The following ARB2A variants were observed in gnomAD, a reference collection of about 807,000 sequenced individuals.
ARB2A encodes cotranscriptional regulator ARB2A.
At chr5:93,798,623 TGTCAAG>T in the ARB2A span, among the ~76,000 whole-genome samples, 1 of 152,080 alleles carries the variant, frequency 6.6e-6, no homozygotes, top group Non-Finnish European at 1.5e-5. Flanking sequence ...AATGAAAAAT[TGTCAAG>T]AATGTTAGAA....
the ARB2A span, among the ~76,000 whole-genome samples, chr5:93,991,278 C>T: frequency 7.2e-5 from 11 of 152,068 alleles, no homozygotes; most frequent in Admixed American, 3.3e-4. Context: ...CTAGAATGAT[C>T]AGGCTGCTTA....
At chr5:93,719,724 CTTA>C in the ARB2A span, among the ~76,000 whole-genome samples, 3 of 152,132 alleles carry the variant, frequency 2.0e-5, no homozygotes, top group Non-Finnish European at 2.9e-5. Context: ...GCAGAAACTG[CTTA>C]TTAAGTCAAA....
At chr5:93,683,395 T>G in the ARB2A span, 2 of 1,602,972 alleles carry the variant, frequency 1.2e-6, no homozygotes, top group Admixed American at 1.7e-5. Context: ...TAATATGCAC[T>G]GGCCCTGAAC....
At chr5:93,745,670 C>CA in the ARB2A span, among the ~76,000 whole-genome samples, 23 of 151,528 alleles carry the variant, frequency 1.5e-4, no homozygotes, top group African/African-American at 2.7e-4. Context: ...GCAGAGTCTC[C>CA]AAAAAAAAAT....
the ARB2A span, among the ~76,000 whole-genome samples, chr5:93,621,328 G>A: frequency 1.3e-5 from 2 of 151,100 alleles, no homozygotes; most frequent in Non-Finnish European, 2.9e-5. Flanking sequence ...CGGGCCAGCC[G>A]ACTCCCAGGG....
the ARB2A span, among the ~76,000 whole-genome samples, chr5:93,901,296 A>G: frequency 6.6e-6 from 1 of 152,198 alleles, no homozygotes; most frequent in African/African-American, 2.4e-5. Flanking sequence ...GAATCTACAA[A>G]GTAGAGGAGG....
the ARB2A span, among the ~76,000 whole-genome samples, chr5:93,902,115 TA>T: frequency 2.6e-5 from 4 of 152,122 alleles, no homozygotes; most frequent in Non-Finnish European, 5.9e-5. Context: ...TATCATACTA[TA>T]ATAATATGTA....
the ARB2A span, chr5:93,620,590 A>G: frequency 0.019 from 3,183 of 164,796 alleles, 50 homozygotes; most frequent in Non-Finnish European, 0.028. Flanking sequence ...AAAGATGGAC[A>G]TGATTAAGGA....
chr5:93,766,958 A>G, the ARB2A span, among the ~76,000 whole-genome samples: 2 of 145,260 alleles, frequency 1.4e-5, no homozygotes, highest in Non-Finnish European at 3.0e-5. Context: ...CAAACACCGC[A>G]TGTTCTCACT....
At chr5:93,946,167 A>C in the ARB2A span, among the ~76,000 whole-genome samples, 2 of 152,134 alleles carry the variant, frequency 1.3e-5, no homozygotes, top group Non-Finnish European at 2.9e-5. Context: ...ACAGATCATT[A>C]GATACAGGAA....
the ARB2A span, among the ~76,000 whole-genome samples, chr5:93,639,803 T>C: frequency 6.6e-6 from 1 of 151,932 alleles, no homozygotes; most frequent in Non-Finnish European, 1.5e-5. Flanking sequence ...TCCCAGCACT[T>C]TGGGAGGCCG....
At chr5:93,866,144 T>C in the ARB2A span, 1 of 985,452 alleles carries the variant, frequency 1.0e-6, no homozygotes. Context: ...ACAAGCAATC[T>C]TCAATTGGCC....
chr5:93,851,373 G>T, the ARB2A span, among the ~76,000 whole-genome samples: 6 of 152,282 alleles, frequency 3.9e-5, no homozygotes, highest in African/African-American at 1.2e-4. Context: ...GCTGGTCATT[G>T]TAGTAATTTT....
chr5:93,696,442 C>G, the ARB2A span, among the ~76,000 whole-genome samples: 1 of 152,152 alleles, frequency 6.6e-6, no homozygotes, highest in Non-Finnish European at 1.5e-5. Context: ...ATGGATCTCT[C>G]CTTCTCAATC....
the ARB2A span, among the ~76,000 whole-genome samples, chr5:93,924,698 C>T: frequency 6.6e-6 from 1 of 152,036 alleles, no homozygotes; most frequent in Non-Finnish European, 1.5e-5. Flanking sequence ...AGAGTAGATC[C>T]ACAAAACTCT....
chr5:94,018,396 T>C, the ARB2A span, among the ~76,000 whole-genome samples: 7 of 152,336 alleles, frequency 4.6e-5, no homozygotes, highest in African/African-American at 1.7e-4. Flanking sequence ...CAAAGGATTA[T>C]CTGAATTCAC....
At chr5:93,856,766 C>G in the ARB2A span, among the ~76,000 whole-genome samples, 1 of 152,022 alleles carries the variant, frequency 6.6e-6, no homozygotes, top group Non-Finnish European at 1.5e-5. Flanking sequence ...TCATCTGAAG[C>G]CTTCTTCTCT....
the ARB2A span, among the ~76,000 whole-genome samples, chr5:93,758,492 T>C: frequency 2.6e-5 from 4 of 152,098 alleles, no homozygotes; most frequent in African/African-American, 7.2e-5. Context: ...GACCATATGA[T>C]AGGCCATAAA....
At chr5:93,881,629 C>T in the ARB2A span, 17 of 1,602,986 alleles carry the variant, frequency 1.1e-5, no homozygotes, top group Middle Eastern at 1.7e-4. Context: ...CGTGTATCTT[C>T]GGCTTTTCTA....
Sources: gnomAD v4.1 joint callset for allele counts (sites outside exome capture counted in the v4.1 genomes callset) on GRCh38, gnomAD v4.1.1 for gene constraint, MANE v1.5 for transcripts, NCBI Gene and HGNC (gene_info 2026-07-23, HGNC 2026-07-21) for gene names.